CTTNBP2NL: variants seen among roughly 807,000 people sequenced by gnomAD.
The protein encoded by CTTNBP2NL is CTTNBP2 N-terminal-like protein.
Under a neutral mutation model 32.5 loss-of-function variants are expected in CTTNBP2NL, and 16 were observed. The ratio of observed to expected loss-of-function variants is 0.49; its 90% CI spans 0.33 to 0.75. The LOEUF is 0.75. Among genes scored for constraint, CTTNBP2NL ranks in the 30% least tolerant of loss-of-function variants. The pLI is 0.02. For missense variants in CTTNBP2NL, 645 were observed against 756.0 expected (o/e 0.85, Z 1.72); for synonymous variants, 298 against 289.4 (o/e 1.03, Z -0.30).
intron 3 of CTTNBP2NL, among the ~76,000 whole-genome samples, chr1:112,426,233 C>T (rs1177390886): frequency 3.3e-5 from 5 of 151,976 alleles, no homozygotes; most frequent in Admixed American, 1.3e-4. Context: ...CCATTAAAAG[C>T]ATAAAAATTT....
chr1:112,456,028 C>A lies in CTTNBP2NL; in HGVS notation c.536C>A (p.Ser179Ter). 6.2e-7 allele frequency: 1 copy of A among 1,614,156 alleles called. No individual in the cohort carries two copies. The highest frequency in any genetic ancestry group is 8.5e-7 in the Non-Finnish European group (1 of 1,180,020). ...GAGCGCTCCCGCCACAAGCAGCTCT[C>A]ATCCATGCTAGTGCTTGAGTGCAAG... ...EEERSRHKQL[S>*]SMLVLECKKA... The change falls in exon 6 of 6, where the codon TCA becomes TAA. Residue 179 changes from serine (S) to a stop codon, truncating the protein, a stop_gained. Coordinates refer to ENST00000271277, the MANE Select transcript of CTTNBP2NL (RefSeq NM_018704.3). LOFTEE classifies it high-confidence loss of function.
intron 3 of CTTNBP2NL, among the ~76,000 whole-genome samples, chr1:112,430,925 G>A (rs1649551651): frequency 6.6e-6 from 1 of 152,148 alleles, no homozygotes; most frequent in Non-Finnish European, 1.5e-5. Flanking sequence ...GCTGTTTGCT[G>A]TATAACTTTT....
chr1:112,417,088 A>C (rs1302157538), intron 3 of CTTNBP2NL, among the ~76,000 whole-genome samples: 1 of 152,070 alleles, frequency 6.6e-6, no homozygotes, highest in Admixed American at 6.5e-5. Flanking sequence ...TTAGGATAGG[A>C]GTGGAGGTAA....
intron 1 of CTTNBP2NL, among the ~76,000 whole-genome samples, chr1:112,406,877 T>TA (rs1293120628): frequency 1.3e-5 from 2 of 152,212 alleles, no homozygotes; most frequent in Non-Finnish European, 2.9e-5. Flanking sequence ...ATGTTGACCC[T>TA]AAAAAATACT....
At position 112,450,477 on chromosome 1, in the gene CTTNBP2NL, G is replaced by A. The variant is rs139989918; in HGVS notation, c.330+1305G>A. ...AGGTATCAGTGGGTGGGAGTTAGTT[G>A]CCTAAATTGGGTGGAGGGGGAGCTT... On this transcript the variant is annotated intron_variant, in intron 4 of 5. Coordinates refer to ENST00000271277, the MANE Select transcript of CTTNBP2NL (RefSeq NM_018704.3). 1.2e-3 allele frequency among the ~76,000 whole-genome samples: 190 copies of A among 152,266 alleles called. 3 individuals carry two copies. In the East Asian group the frequency reaches 0.031, roughly 25 times the overall value.
chr1:112,393,445 C>A (rs983663473), upstream of CTTNBP2NL, among the ~76,000 whole-genome samples: 3 of 152,072 alleles, frequency 2.0e-5, no homozygotes, highest in African/African-American at 7.2e-5. Flanking sequence ...ATTTTACTGT[C>A]CAGTTGATAA....
chr1:112,413,258 A>G (rs1220952280), intron 2 of CTTNBP2NL, among the ~76,000 whole-genome samples: 1 of 152,186 alleles, frequency 6.6e-6, no homozygotes, highest in Admixed American at 6.5e-5. Flanking sequence ...GTTTTTACTT[A>G]GAAGCTTAAA....
upstream of CTTNBP2NL, among the ~76,000 whole-genome samples, chr1:112,391,690 C>A (rs976093301): frequency 6.6e-6 from 1 of 152,164 alleles, no homozygotes; most frequent in African/African-American, 2.4e-5. Context: ...CTCTTGCTTT[C>A]CCTTGTTTTA....
At chr1:112,429,949 T>G (rs147000813) in intron 3 of CTTNBP2NL, among the ~76,000 whole-genome samples, 2 of 152,258 alleles carry the variant, frequency 1.3e-5, no homozygotes, top group East Asian at 3.9e-4. Context: ...AATAATCTGT[T>G]CTAGGAAGAG....
At position 112,442,982 on chromosome 1, in the gene CTTNBP2NL, G is replaced by A. The variant is rs113440041; in HGVS notation, c.100-5960G>A. Among the ~76,000 whole-genome samples the A allele has an allele frequency of 3.1e-3, 479 of 152,170 alleles. 1 individual carries two copies. The highest frequency in any genetic ancestry group is 0.011 in the African/African-American group (457 of 41,536). On this transcript the variant is annotated intron_variant, in intron 3 of 5. Coordinates refer to ENST00000271277, the MANE Select transcript of CTTNBP2NL (RefSeq NM_018704.3). ...TGGTATTACAGACATGAGCCACTGC[G>A]CCCAGCCTGTTTACTCATATTCTTA...
At chr1:112,436,072 T>A (rs11581879) in intron 3 of CTTNBP2NL, among the ~76,000 whole-genome samples, 9 of 144,066 alleles carry the variant, frequency 6.2e-5, no homozygotes, top group East Asian at 2.0e-4. Flanking sequence ...TGAGATTTGC[T>A]TTTTTTTTTG....
chr1:112,454,387 G>T, intron 4 of CTTNBP2NL, 62 bp from the exon 5 acceptor site: 2 of 1,228,450 alleles, frequency 1.6e-6, no homozygotes, highest in Non-Finnish European at 1.2e-6. Flanking sequence ...ACTTATTATT[G>T]GTTGTATTAA....
intron 4 of CTTNBP2NL, among the ~76,000 whole-genome samples, 158 bp downstream of exon 4, chr1:112,449,330 A>C (rs907850285): frequency 4.6e-5 from 4 of 86,744 alleles, no homozygotes; most frequent in Non-Finnish European, 8.7e-5. Context: ...GGAGATAAAA[A>C]AGAAAACACA....
chr1:112,409,729 A>G (rs988949719), intron 1 of CTTNBP2NL, among the ~76,000 whole-genome samples: 1 of 152,230 alleles, frequency 6.6e-6, no homozygotes, highest in Non-Finnish European at 1.5e-5. Context: ...TTGTTATCTT[A>G]TAGAATTAAG....
In CTTNBP2NL at chr1:112,446,197, GA is replaced by G. The variant is rs71723384; in HGVS notation, c.100-2730del. On this transcript the variant is annotated intron_variant, in intron 3 of 5. Transcript: ENST00000271277. ...TTTCTAAACATGGCCTAAAAAAGTGGAAAAAAAAAAAAAAACAACATAGCTG... is the reference window on the plus strand; with the variant it reads ...TTTCTAAACATGGCCTAAAAAAGTGGAAAAAAAAAAAAAACAACATAGCTG... 3.6e-3 allele frequency among the ~76,000 whole-genome samples: 519 copies of G among 144,480 alleles called. 2 individuals carry two copies. Among genetic ancestry groups the G allele is most frequent in the Non-Finnish European group, 4.9e-3 (323 of 66,372 alleles). 94.8% of individuals were successfully genotyped at this position (144,480 alleles called of 152,430 possible).
At chr1:112,428,060 C>T (rs1025443259) in intron 3 of CTTNBP2NL, among the ~76,000 whole-genome samples, 2 of 151,914 alleles carry the variant, frequency 1.3e-5, no homozygotes, top group Non-Finnish European at 2.9e-5. Flanking sequence ...CCTTTAATCT[C>T]AATTATAAGC....
intron 4 of CTTNBP2NL, among the ~76,000 whole-genome samples, chr1:112,453,183 G>GTGCTCAAGCAA (rs1553227332): frequency 6.6e-6 from 1 of 151,852 alleles, no homozygotes; most frequent in Non-Finnish European, 1.5e-5. Flanking sequence ...TCAAACTCCT[G>GTGCTCAAGCAA]TGCTCAAGCA....
At chr1:112,437,146 T>C (rs568915818) in intron 3 of CTTNBP2NL, among the ~76,000 whole-genome samples, 6 of 152,110 alleles carry the variant, frequency 3.9e-5, no homozygotes, top group Non-Finnish European at 7.4e-5. Context: ...TTCCTTTGGG[T>C]ATATATTGAG....
At chr1:112,395,769 A>G (rs968739415), upstream of CTTNBP2NL, among the ~76,000 whole-genome samples, 1 of 152,136 alleles carries the variant, frequency 6.6e-6, no homozygotes, top group Non-Finnish European at 1.5e-5. Context: ...AGGTTTTTCA[A>G]CAACGAATTC....
Sources: allele counts gnomAD v4.1 joint callset (sites outside exome capture counted in the v4.1 genomes callset), GRCh38; gene constraint gnomAD v4.1.1; transcripts MANE v1.5; gene names NCBI Gene and HGNC (gene_info 2026-07-23, HGNC 2026-07-21).